BRIP1: variants seen among roughly 807,000 people sequenced by gnomAD.
BRIP1 encodes BRCA1 interacting DNA helicase 1.
A neutral mutation model predicts 119.7 loss-of-function variants in BRIP1; 88 were observed. The observed-to-expected ratio is 0.74, with a 90% CI of 0.62 to 0.88. BRIP1 has a LOEUF of 0.88. Among genes scored for constraint, BRIP1 ranks in the 40% least tolerant of loss-of-function variants. The pLI is 0.00. For synonymous variants in BRIP1, 443 were observed against 496.5 expected, an observed-to-expected ratio of 0.89 and a Z score of 1.43; for missense variants, 1,259 against 1,455.4, an observed-to-expected ratio of 0.87 and a Z score of 2.20.
chr17:61,773,854 A>G (rs1044967750), intron 14 of BRIP1, among the ~76,000 whole-genome samples: 1 of 152,226 alleles, frequency 6.6e-6, no homozygotes. Context: ...ATCACTGGTC[A>G]TCAGAGAAAT....
Position 61,720,052 on chromosome 17 carries a change from T to A in BRIP1, c.2380-3989A>T, listed in dbSNP as rs1025760004. On this transcript the variant is annotated intron_variant, in intron 16 of 19. Transcript: ENST00000259008. The surrounding 1 kb of genome is among the most constrained non-coding windows in gnomAD (Gnocchi z 4.3). ...ATTCTTGCTATGTTGCCTATGATGG[T>A]CTCCAACTCATAAGCTCAAGAAAAC... Among the ~76,000 whole-genome samples the A allele has an allele frequency of 6.6e-6, 1 of 151,974 alleles. No individual in the cohort carries two copies. The highest frequency in any genetic ancestry group is 1.5e-5 in the Non-Finnish European group (1 of 67,994).
chr17:61,725,233 G>C lies in BRIP1; in HGVS notation c.2380-9170C>G, dbSNP rs993033774. ...CTCCCTTTTAAATAAGAATAATAATGATAAAAGCACATTAGAAATGGTTTT... is the reference window on the plus strand; with the variant it reads ...CTCCCTTTTAAATAAGAATAATAATCATAAAAGCACATTAGAAATGGTTTT... On this transcript the variant is annotated intron_variant, in intron 16 of 19. Coordinates refer to ENST00000259008, the MANE Select transcript of BRIP1 (RefSeq NM_032043.3). This position sits in a 1 kb window ranked among gnomAD's most constrained non-coding sequence, Gnocchi z 5.3. Among the ~76,000 whole-genome samples the C allele has an allele frequency of 6.6e-5, 10 of 151,974 alleles. No homozygotes were observed. Among genetic ancestry groups the C allele is most frequent in the African/African-American group, 2.4e-4 (10 of 41,374 alleles).
chr17:61,716,724 AATCTG>A (rs2061870325), intron 16 of BRIP1, among the ~76,000 whole-genome samples: 2 of 15,944 alleles, frequency 1.3e-4, no homozygotes, highest in Non-Finnish European at 2.5e-4. Flanking sequence ...CTACCCCCCC[AATCTG>A]TACCATTTTG....
At chr17:61,855,767 C>T (rs62068843) in intron 4 of BRIP1, among the ~76,000 whole-genome samples, 2,677 of 152,034 alleles carry the variant, frequency 0.018, 34 homozygotes, top group Non-Finnish European at 0.026. Context: ...TGCCAGGCAC[C>T]CTGCTAGAGT....
intron 11 of BRIP1, among the ~76,000 whole-genome samples, chr17:61,782,532 T>G (rs191487162): frequency 5.3e-5 from 8 of 152,164 alleles, no homozygotes; most frequent in African/African-American, 1.9e-4. Flanking sequence ...ATTAAAAACC[T>G]TTTCTGCATC....
rs867788691 is a variant in BRIP1 at position 61,748,748 on chromosome 17, G to A, written c.2098-4157C>T. On this transcript the variant is annotated intron_variant, in intron 14 of 19. Coordinates refer to ENST00000259008, the MANE Select transcript of BRIP1 (RefSeq NM_032043.3). The surrounding 1 kb of genome is among the most constrained non-coding windows in gnomAD (Gnocchi z 4.7). ...ACAGTCTCTTCAACAAATAGTTCAG[G>A]GCAAACAATATCCACATGCAAAAGA... 3.3e-5 allele frequency among the ~76,000 whole-genome samples: 5 copies of A among 152,092 alleles called. No individual in the cohort carries two copies. The highest frequency in any genetic ancestry group is 1.2e-4 in the African/African-American group (5 of 41,418).
At position 61,801,430 on chromosome 17, in the gene BRIP1, A is replaced by T. The variant is rs1555607779; in HGVS notation, c.963T>A (p.Asp321Glu). Residue 321 changes from aspartate to glutamate, a missense_variant, in exon 8 of 20, where the codon GAT becomes GAA. By Grantham distance (45) the Asp-to-Glu change is conservative. Transcript: ENST00000259008. ...CTTGGAAAGTCTGTAATGTGTGCTGATCACTAATTTTATGAACTCCATGAT... is the reference window on the plus strand; with the variant it reads ...CTTGGAAAGTCTGTAATGTGTGCTGTTCACTAATTTTATGAACTCCATGAT... ...YFYHGVHKIS[D>E]QHTLQTFQGM... 6.2e-7 allele frequency: 1 copy of T among 1,613,890 alleles called. No homozygotes were observed. Among genetic ancestry groups the T allele is most frequent in the Admixed American group, 1.7e-5 (1 of 60,018 alleles).
In BRIP1 at chr17:61,776,650, A is replaced by T. The variant is rs189947487; in HGVS notation, c.1936-88T>A. On this transcript the variant is annotated intron_variant, in intron 13 of 19. Coordinates refer to ENST00000259008, the MANE Select transcript of BRIP1 (RefSeq NM_032043.3). The surrounding 1 kb of genome is among the most constrained non-coding windows in gnomAD (Gnocchi z 5.0). ...TTTGGAAGTATGTACATAAAAGATC[A>T]AGCAACAAGTTTAACAATTTATTTT... The T allele has an allele frequency of 3.0e-5, 41 of 1,373,366 alleles. No homozygotes were observed. In the Admixed American group the frequency reaches 4.6e-4, roughly 15 times the overall value. 85.1% of individuals were successfully genotyped at this position (1,373,366 alleles called of 1,614,324 possible).
intron 16 of BRIP1, among the ~76,000 whole-genome samples, chr17:61,733,623 A>T (rs2076879686): frequency 6.6e-6 from 1 of 152,158 alleles, no homozygotes. Flanking sequence ...ATTTTAAAAA[A>T]TTGATTAAAA....
At position 61,769,808 on chromosome 17, in the gene BRIP1, CAT is replaced by C. The variant is rs2077422122; in HGVS notation, c.2097+6591_2097+6592del. Among the ~76,000 whole-genome samples, 5 of 152,266 alleles carry C rather than the reference CAT, an allele frequency of 3.3e-5. No individual in the cohort carries two copies. The South Asian group carries it at 1.0e-3, about 32-fold the overall frequency. On this transcript the variant is annotated intron_variant, in intron 14 of 19. Coordinates refer to ENST00000259008, the MANE Select transcript of BRIP1 (RefSeq NM_032043.3). The surrounding 1 kb of genome is among the most constrained non-coding windows in gnomAD (Gnocchi z 4.9). Reference sequence around the variant, plus strand: ...CTTACTGGGACAGCGGCCACTAAAACATAAATTGACAGAAATAGTTAAAAGAT... The same window carrying C: ...CTTACTGGGACAGCGGCCACTAAAACAAATTGACAGAAATAGTTAAAAGAT...
rs1185434561 is a variant in BRIP1 at position 61,690,029 on chromosome 17, C to T, written c.2575+3401G>A. 6.6e-6 allele frequency among the ~76,000 whole-genome samples: 1 copy of T among 151,826 alleles called. No homozygotes were observed. Among genetic ancestry groups the T allele is most frequent in the East Asian group, 1.9e-4 (1 of 5,168 alleles). On this transcript the variant is annotated intron_variant, in intron 18 of 19. Transcript: ENST00000259008. This position sits in a 1 kb window ranked among gnomAD's most constrained non-coding sequence, Gnocchi z 5.6. ...TCCAAAAAGAGAAAGATTTCTCAGG[C>T]GACATCTTGCATGCTGTAAGGAAGT... is the stretch of plus-strand genomic sequence containing the variant.
rs2078901345 is a variant in BRIP1, at chr17:61,856,751, T to C, written c.379+307A>G. ...ATACAAACATTGTTTTATAGAATTC[T>C]AACATATAATTAACAATAATGGCTA... On this transcript the variant is annotated intron_variant, in intron 4 of 19. Coordinates refer to ENST00000259008, the MANE Select transcript of BRIP1 (RefSeq NM_032043.3). The surrounding 1 kb of genome is among the most constrained non-coding windows in gnomAD (Gnocchi z 5.1). 6.6e-6 allele frequency among the ~76,000 whole-genome samples: 1 copy of C among 152,208 alleles called. No individual in the cohort carries two copies. Among genetic ancestry groups the C allele is most frequent in the Non-Finnish European group, 1.5e-5 (1 of 68,030 alleles).
rs1409694498 is a variant in BRIP1, at chr17:61,720,114, G to A, written c.2380-4051C>T. 1.3e-5 allele frequency among the ~76,000 whole-genome samples: 2 copies of A among 152,118 alleles called. No homozygotes were observed. Among genetic ancestry groups the A allele is most frequent in the Non-Finnish European group, 2.9e-5 (2 of 68,030 alleles). On this transcript the variant is annotated intron_variant, in intron 16 of 19. Transcript: ENST00000259008. The surrounding 1 kb of genome is among the most constrained non-coding windows in gnomAD (Gnocchi z 4.3). ...ACCTCCCAAAGTGCTAGGAATACAGGCATGAGCCACTGCGTCTGGCTGAGA... is the reference window on the plus strand; with the variant it reads ...ACCTCCCAAAGTGCTAGGAATACAGACATGAGCCACTGCGTCTGGCTGAGA...
chr17:61,692,135 T>C (rs1375617879), intron 18 of BRIP1, among the ~76,000 whole-genome samples: 1 of 152,248 alleles, frequency 6.6e-6, no homozygotes, highest in African/African-American at 2.4e-5. Context: ...GATTGTAGAC[T>C]TTCTGAGGTC....
chr17:61,743,845 C>A lies in BRIP1; in HGVS notation c.2257+587G>T, dbSNP rs147752274. On this transcript the variant is annotated intron_variant, in intron 15 of 19. Transcript: ENST00000259008. The surrounding 1 kb of genome is among the most constrained non-coding windows in gnomAD (Gnocchi z 4.3). ...TGGAACTATAGGCACATGCACCACACCCTGCTAATGTTTGTACTTTTTGTA... is the reference window on the plus strand; with the variant it reads ...TGGAACTATAGGCACATGCACCACAACCTGCTAATGTTTGTACTTTTTGTA... 1.8e-3 allele frequency among the ~76,000 whole-genome samples: 275 copies of A among 152,096 alleles called. No individual in the cohort carries two copies. The highest frequency in any genetic ancestry group is 6.2e-3 in the African/African-American group (257 of 41,498).
intron 6 of BRIP1, among the ~76,000 whole-genome samples, chr17:61,826,453 C>G (rs1291512408): frequency 6.6e-6 from 1 of 152,010 alleles, no homozygotes; most frequent in African/African-American, 2.4e-5. Context: ...ACAAAGTAAA[C>G]AGACAACCTA....
chr17:61,812,857 A>C (rs1447132568), intron 6 of BRIP1, among the ~76,000 whole-genome samples: 2 of 152,140 alleles, frequency 1.3e-5, no homozygotes, highest in Non-Finnish European at 2.9e-5. Context: ...AAGAAAGATG[A>C]ATTGCTGAGT....
rs1326972534 is a variant in BRIP1 at position 61,769,658 on chromosome 17, C to A, written c.2097+6743G>T. Among the ~76,000 whole-genome samples, 1 of 152,048 alleles carries A rather than the reference C, an allele frequency of 6.6e-6. No individual in the cohort carries two copies. The highest frequency in any genetic ancestry group is 1.5e-5 in the Non-Finnish European group (1 of 68,000). The stretch of plus-strand genomic sequence containing the variant: ...GGAAGTCATCACACCTGTTTTACAA[C>A]AGAAAAAAGTTAAACAAACTAAAAA... On this transcript the variant is annotated intron_variant, in intron 14 of 19. Transcript: ENST00000259008. The surrounding 1 kb of genome is among the most constrained non-coding windows in gnomAD (Gnocchi z 4.9).
chr17:61,735,623 T>C lies in BRIP1; in HGVS notation c.2379+7390A>G, dbSNP rs556616565. On this transcript the variant is annotated intron_variant, in intron 16 of 19. Coordinates refer to ENST00000259008, the MANE Select transcript of BRIP1 (RefSeq NM_032043.3). This position sits in a 1 kb window ranked among gnomAD's most constrained non-coding sequence, Gnocchi z 4.4. ...GGGCAACATAGCAAGATCCTGCCTC[T>C]ACAAAAAAAAAAAAACCACGTTTAA... 5.6e-4 allele frequency among the ~76,000 whole-genome samples: 81 copies of C among 144,588 alleles called. No homozygotes were observed. The highest frequency in any genetic ancestry group is 9.5e-4 in the Admixed American group (14 of 14,676). The allele number at this position is 144,588 out of a possible 152,430, so 94.9% of individuals were successfully genotyped here. A position where few individuals can be genotyped will look rare whatever the true frequency, so the allele number is the denominator to read the frequency against.
Sources: allele counts gnomAD v4.1 joint callset (sites outside exome capture counted in the v4.1 genomes callset), GRCh38; gene constraint gnomAD v4.1.1; non-coding constraint Gnocchi (gnomAD v3.1); transcripts MANE v1.5; gene names NCBI Gene and HGNC (gene_info 2026-07-23, HGNC 2026-07-21).